Variants in NCAPG2 observed in about 807,000 individuals in gnomAD.
NCAPG2 encodes the protein condensin-2 complex subunit G2.
In NCAPG2, 53 loss-of-function variants were observed where a neutral mutation model predicts 141.1. The ratio of observed to expected loss-of-function variants is 0.38; its 90% CI spans 0.30 to 0.47. The LOEUF (loss-of-function observed/expected upper bound fraction) is 0.47, where lower values mean the gene tolerates loss of function less well. Among genes scored for constraint, NCAPG2 ranks in the 20% least tolerant of loss-of-function variants. The probability of loss-of-function intolerance (pLI) is 0.99; values close to 1 mark genes in which losing one functional copy is unlikely to be tolerated. For missense variants in NCAPG2, 1,087 were observed against 1,389.0 expected (o/e 0.78, Z 3.46); for synonymous variants, 499 against 490.7 (o/e 1.02, Z -0.22).
chr7:158,664,596 T>C lies in NCAPG2; in HGVS notation c.1634A>G (p.Gln545Arg). Residue 545 changes from glutamine (Q) to arginine (R), a missense_variant, in exon 14 of 28, where the codon CAG becomes CGG. By Grantham distance (43) the Gln-to-Arg change is conservative. Coordinates refer to ENST00000356309, the MANE Select transcript of NCAPG2 (RefSeq NM_017760.7). ...VWCERCVTLVQMNHAAARRFY... is the reference protein window; with the variant it reads ...VWCERCVTLVRMNHAAARRFY... ...CCTCCTGGCAGCGGCGTGGTTCATCTGCACCAGGGTGACACAGCGCTCGCA... is the reference window on the plus strand; with the variant it reads ...CCTCCTGGCAGCGGCGTGGTTCATCCGCACCAGGGTGACACAGCGCTCGCA... The C allele has an allele frequency of 1.2e-6, 2 of 1,614,194 alleles. No individual in the cohort carries two copies. The highest frequency in any genetic ancestry group is 1.7e-6 in the Non-Finnish European group (2 of 1,180,022).
rs755926395 is a variant in NCAPG2 at position 158,675,639 on chromosome 7, A to T, written c.1164T>A (p.Pro388=). Reference sequence around the variant, plus strand: ...TCCCTGTGGAACGGACCATCGGGTAAGGATCTTCTAAAAGGCTCTATAAGT... The same window carrying T: ...TCCCTGTGGAACGGACCATCGGGTATGGATCTTCTAAAAGGCTCTATAAGT... ...FEELYSLLED[P]YPMVRSTGIL... is the part of the protein sequence containing the mutation. The change falls in exon 12 of 28, where the codon CCT becomes CCA. Residue 388 remains proline (P), a synonymous_variant. Coordinates refer to ENST00000356309, the MANE Select transcript of NCAPG2 (RefSeq NM_017760.7). 6 of 1,610,786 alleles carry T rather than the reference A, an allele frequency of 3.7e-6. No individual in the cohort carries two copies. Among genetic ancestry groups the T allele is most frequent in the Non-Finnish European group, 5.1e-6 (6 of 1,179,372 alleles).
At chr7:158,644,475 C>A in intron 26 of NCAPG2, 87 bp from the exon 27 acceptor site, 1 of 1,123,728 alleles carries the variant, frequency 8.9e-7, no homozygotes, top group South Asian at 1.3e-5. Flanking sequence ...TACAACTTCC[C>A]TAAGCTGGGC....
chr7:158,654,770 C>T lies in NCAPG2; in HGVS notation c.2647-76G>A, dbSNP rs528484698. Reference sequence around the variant, plus strand: ...GTAAATCCAGCCTCACAAAGCTTCTCCTATCCATGTGCTAGTTATCTTATA... The same window carrying T: ...GTAAATCCAGCCTCACAAAGCTTCTTCTATCCATGTGCTAGTTATCTTATA... On this transcript the variant is annotated intron_variant, in intron 21 of 27. Transcript: ENST00000356309. 1.3e-4 allele frequency: 205 copies of T among 1,523,440 alleles called. 1 individual carries two copies. In the East Asian group the frequency reaches 4.8e-3, roughly 36 times the overall value. The allele number at this position is 1,523,440 out of a possible 1,614,324, so 94.4% of individuals were successfully genotyped here.
At chr7:158,700,838 T>C (rs1835733166) in intron 2 of NCAPG2, among the ~76,000 whole-genome samples, 1 of 152,174 alleles carries the variant, frequency 6.6e-6, no homozygotes, top group African/African-American at 2.4e-5. Flanking sequence ...CAAAGATACT[T>C]TCGTATTTCA....
Position 158,633,371 on chromosome 7 carries a change from CTCT to C in NCAPG2, c.3381-1657_3381-1655del, listed in dbSNP as rs1397464455. On this transcript the variant is annotated intron_variant, in intron 27 of 27. Coordinates refer to ENST00000356309, the MANE Select transcript of NCAPG2 (RefSeq NM_017760.7). The surrounding 1 kb of genome is among the most constrained non-coding windows in gnomAD (Gnocchi z 4.1). ...ACTGTCCTTTCGGGGTTACAGTTGACTCTTCTTCAAAGACTCTTATTACTCACC... is the reference window on the plus strand; with the variant it reads ...ACTGTCCTTTCGGGGTTACAGTTGACTCTTCAAAGACTCTTATTACTCACC... Among the ~76,000 whole-genome samples the C allele has an allele frequency of 6.6e-6, 1 of 152,214 alleles. No homozygotes were observed. Among genetic ancestry groups the C allele is most frequent in the African/African-American group, 2.4e-5 (1 of 41,464 alleles).
At chr7:158,654,791 T>G in intron 21 of NCAPG2, 97 bp from the exon 22 acceptor site, 1 of 1,474,046 alleles carries the variant, frequency 6.8e-7, no homozygotes. Flanking sequence ...GCTAGTTATC[T>G]TATAAAGCAG....
At chr7:158,655,677 T>TC (rs370283126) in intron 19 of NCAPG2, among the ~76,000 whole-genome samples, 19 of 63,374 alleles carry the variant, frequency 3.0e-4, no homozygotes, top group Middle Eastern at 7.7e-3. Context: ...TCCACAGCCC[T>TC]TGCCCTGCAC....
rs773537661 is a variant in NCAPG2, at chr7:158,664,231, G to T, written c.1768C>A (p.Pro590Thr). 5 of 1,613,864 alleles carry T rather than the reference G, an allele frequency of 3.1e-6. No individual in the cohort carries two copies. The East Asian group carries it at 1.1e-4, about 36-fold the overall frequency. ...CCGTCCTCTTCCTCCTCGTCCTCTGGAGGCTCTCTCACTGCCCTCTGGATA... is the reference window on the plus strand; with the variant it reads ...CCGTCCTCTTCCTCCTCGTCCTCTGTAGGCTCTCTCACTGCCCTCTGGATA... The part of the protein sequence containing the change: ...ACIQRAVREP[P>T]EDEEEEDGRE... Residue 590 changes from proline to threonine, a missense_variant, in exon 15 of 28, where the codon CCA becomes ACA. By Grantham distance (38) the Pro-to-Thr change is conservative (BLOSUM62 -1). Coordinates refer to ENST00000356309, the MANE Select transcript of NCAPG2 (RefSeq NM_017760.7).
At chr7:158,675,740 G>T in intron 11 of NCAPG2, 84 bp from the exon 12 acceptor site, 2 of 1,407,488 alleles carry the variant, frequency 1.4e-6, no homozygotes, top group Non-Finnish European at 1.9e-6. Flanking sequence ...GCACTTCAGG[G>T]ATTCGTAACT....
rs1015315440 is a variant in NCAPG2, at chr7:158,656,488, T to A, written c.2215-55A>T. On this transcript the variant is annotated intron_variant, in intron 18 of 27. Transcript: ENST00000356309. ...GAAAACACACGTCCCTAGAAAAGCA[T>A]GTAATTTCTAATACACAGTTATCCT... is the stretch of plus-strand genomic sequence containing the variant. 8.1e-6 allele frequency: 13 copies of A among 1,609,822 alleles called. No homozygotes were observed. The African/African-American group carries it at 1.6e-4, about 20-fold the overall frequency.
intron 27 of NCAPG2, among the ~76,000 whole-genome samples, chr7:158,635,667 T>C (rs1005494117): frequency 9.2e-5 from 14 of 152,214 alleles, no homozygotes; most frequent in Admixed American, 3.3e-4. Context: ...CAATATGCTA[T>C]ATCGGATGAG....
intron 8 of NCAPG2, among the ~76,000 whole-genome samples, chr7:158,684,289 C>G (rs1834623271): frequency 1.3e-5 from 2 of 152,198 alleles, no homozygotes. Flanking sequence ...AGTATGCCAA[C>G]ATTCTACAGG....
In NCAPG2 at chr7:158,668,314, C is replaced by CCT. The variant is rs1321695667; in HGVS notation, c.1479+3199_1479+3200insAG. 1.2e-4 allele frequency: 112 copies of CCT among 913,472 alleles called. 5 individuals are homozygous for CCT. Among genetic ancestry groups the CCT allele is most frequent in the Admixed American group, 6.4e-4 (7 of 10,892 alleles). 56.6% of individuals were successfully genotyped at this position (913,472 alleles called of 1,614,324 possible). A position where few individuals can be genotyped will look rare whatever the true frequency, so the allele number is the denominator to read the frequency against. On this transcript the variant is annotated intron_variant, in intron 13 of 27. Transcript: ENST00000356309. ...TCCCTAGGCCCTCCCTTACCCACTA[C>CCT]TGGGTCCCTCCGCCCTCCCTTACCC... is the stretch of plus-strand genomic sequence containing the variant.
chr7:158,634,352 ATTGTTATACTATACTAATAG>A (rs1343794700), intron 27 of NCAPG2, among the ~76,000 whole-genome samples: 2 of 152,138 alleles, frequency 1.3e-5, no homozygotes, highest in Non-Finnish European at 2.9e-5. Flanking sequence ...TATCGTCTAT[ATTGTTATACTATACTAATAG>A]TTGTTATACT....
intron 1 of NCAPG2, chr7:158,702,229 A>T (rs956690288): frequency 9.5e-6 from 2 of 211,320 alleles, no homozygotes; most frequent in African/African-American, 2.3e-5. Flanking sequence ...GCTCACCACC[A>T]TCTCTCCCTT....
chr7:158,703,940 C>G (rs1186195569), intron 1 of NCAPG2, among the ~76,000 whole-genome samples: 1 of 152,144 alleles, frequency 6.6e-6, no homozygotes, highest in African/African-American at 2.4e-5. Context: ...AGGGCAGTAC[C>G]GACACCCAGG....
At chr7:158,697,821 C>A (rs1173185950) in intron 2 of NCAPG2, among the ~76,000 whole-genome samples, 1 of 152,090 alleles carries the variant, frequency 6.6e-6, no homozygotes, top group African/African-American at 2.4e-5. Flanking sequence ...GGCCATTATC[C>A]ATAGCAAACT....
chr7:158,674,216 C>T (rs1268860789), intron 12 of NCAPG2, among the ~76,000 whole-genome samples: 1 of 151,658 alleles, frequency 6.6e-6, no homozygotes, highest in Non-Finnish European at 1.5e-5. Flanking sequence ...GATGGAGATG[C>T]GAACATGCTT....
intron 16 of NCAPG2, among the ~76,000 whole-genome samples, chr7:158,659,350 GA>G (rs1204705755): frequency 2.7e-4 from 37 of 138,804 alleles, no homozygotes; most frequent in East Asian, 2.3e-3. Context: ...AAAAAAAGAA[GA>G]AAAAAAAAAG....
Sources: gnomAD v4.1 joint callset for allele counts (sites outside exome capture counted in the v4.1 genomes callset) on GRCh38, gnomAD v4.1.1 for gene constraint, Gnocchi (gnomAD v3.1) non-coding constraint, MANE v1.5 for transcripts, NCBI Gene and HGNC (gene_info 2026-07-23, HGNC 2026-07-21) for gene names.